HERC1: variants seen among roughly 807,000 people sequenced by gnomAD.
HERC1 encodes the protein probable E3 ubiquitin-protein ligase HERC1.
HERC1 carries 160 observed loss-of-function variants against 554.3 expected under a neutral mutation model. The observed-to-expected ratio is 0.29, with a 90% CI of 0.25 to 0.33. The LOEUF (loss-of-function observed/expected upper bound fraction) is 0.33, where lower values mean the gene tolerates loss of function less well. Ranked by LOEUF, HERC1 falls within the 10% of genes least tolerant of loss-of-function variation. HERC1 has a pLI of 1.00. For missense variants in HERC1, 4,919 were observed against 5,918.5 expected (o/e 0.83, Z 5.54); for synonymous variants, 2,175 against 2,131.7 (o/e 1.02, Z -0.56).
chr15:63,631,075 T>C (rs952851650), intron 68 of HERC1, among the ~76,000 whole-genome samples: 4 of 152,064 alleles, frequency 2.6e-5, no homozygotes, highest in African/African-American at 9.6e-5. Flanking sequence ...ACCTGTCGGG[T>C]TTAAATGATC....
In HERC1 at chr15:63,694,656, T is replaced by TTCTTTACCTATAAGTTTA; in HGVS notation, c.5242+100_5243-108dup. 3 of 1,453,510 alleles carry TTCTTTACCTATAAGTTTA rather than the reference T, an allele frequency of 2.1e-6. No homozygotes were observed. The highest frequency in any genetic ancestry group is 2.9e-6 in the Non-Finnish European group (3 of 1,044,832). The allele number at this position is 1,453,510 out of a possible 1,614,324, so 90.0% of individuals were successfully genotyped here. ...ATAACATGAAACACTAAATTATTTA[T>TTCTTTACCTATAAGTTTA]TCTTTACCTATAAGTTTATCTACTA... On this transcript the variant is annotated intron_variant, in intron 28 of 77. Coordinates refer to ENST00000443617, the MANE Select transcript of HERC1 (RefSeq NM_003922.4). This position sits in a 1 kb window ranked among gnomAD's most constrained non-coding sequence, Gnocchi z 4.3.
At position 63,689,619 on chromosome 15, in the gene HERC1, T is replaced by C; in HGVS notation, c.6018A>G (p.Ile2006Met). 1 of 1,573,528 alleles carries C rather than the reference T, an allele frequency of 6.4e-7. No individual in the cohort carries two copies. The highest frequency in any genetic ancestry group is 8.6e-7 in the Non-Finnish European group (1 of 1,157,796). ...PIAQAKHAIQ[I>M]KEKEQEIKLQ... ...GTTTTATTTCTTGTTCTTTTTCCTT[T>C]ATCTGAATAGCATGTTTGGCCTGAG... Residue 2006 changes from isoleucine (I) to methionine (M), a missense_variant, in exon 33 of 78, where the codon ATA becomes ATG. Around this residue, in one of 11 missense-constraint regions of HERC1, gnomAD observed 1,121 missense variants for 1,244.0 expected, o/e 0.90. Coordinates refer to ENST00000443617, the MANE Select transcript of HERC1 (RefSeq NM_003922.4).
intron 25 of HERC1, 39 bp downstream of exon 25, chr15:63,706,741 C>A: frequency 8.7e-7 from 1 of 1,155,730 alleles, no homozygotes; most frequent in South Asian, 1.7e-5. Context: ...GACAGGGTCT[C>A]ACTAAGATAT....
chr15:63,693,747 G>A (rs1163613792), intron 30 of HERC1, among the ~76,000 whole-genome samples: 4 of 152,134 alleles, frequency 2.6e-5, no homozygotes, highest in Non-Finnish European at 5.9e-5. Flanking sequence ...TGGGCAGTAT[G>A]GTCACAACAT....
At chr15:63,627,833 GGT>G (rs2152786370) in intron 70 of HERC1, among the ~76,000 whole-genome samples, 1 of 152,220 alleles carries the variant, frequency 6.6e-6, no homozygotes, top group South Asian at 2.1e-4. Flanking sequence ...TATGTATTAT[GGT>G]TTTCTTTAAA....
At chr15:63,826,808 AAAAAAAATATAT>A (rs1162557181) in intron 1 of HERC1, among the ~76,000 whole-genome samples, 1 of 54,914 alleles carries the variant, frequency 1.8e-5, no homozygotes, top group Non-Finnish European at 3.8e-5. Context: ...AAAAAAAAAA[AAAAAAAATATAT>A]ATATATATAT....
chr15:63,727,552 G>T lies in HERC1; in HGVS notation c.3346+95C>A. On this transcript the variant is annotated intron_variant, in intron 17 of 77. Coordinates refer to ENST00000443617, the MANE Select transcript of HERC1 (RefSeq NM_003922.4). The surrounding 1 kb of genome is among the most constrained non-coding windows in gnomAD (Gnocchi z 4.3). ...TGATGAAATTCCTTTGATAGCCTTA[G>T]GATAGATAGACTCCAATGGAAAAAC... 2.4e-6 allele frequency: 2 copies of T among 826,022 alleles called. No homozygotes were observed. Among genetic ancestry groups the T allele is most frequent in the Non-Finnish European group, 3.8e-6 (2 of 529,158 alleles). 51.2% of individuals were successfully genotyped at this position (826,022 alleles called of 1,614,324 possible). A position where few individuals can be genotyped will look rare whatever the true frequency, so the allele number is the denominator to read the frequency against.
intron 54 of HERC1, among the ~76,000 whole-genome samples, chr15:63,648,564 G>A (rs1425337916): frequency 6.6e-6 from 1 of 152,204 alleles, no homozygotes; most frequent in Admixed American, 6.5e-5. Context: ...CCAAGTCATA[G>A]AAAGAAAATT....
At chr15:63,779,172 A>G (rs1490537467) in intron 1 of HERC1, among the ~76,000 whole-genome samples, 2 of 152,104 alleles carry the variant, frequency 1.3e-5, no homozygotes, top group Non-Finnish European at 2.9e-5. Flanking sequence ...AGGAAGAAAA[A>G]TACAAAACAA....
rs2074362690 is a variant in HERC1 at position 63,733,073 on chromosome 15, A to G, written c.2719T>C (p.Ser907Pro). The G allele has an allele frequency of 3.7e-6, 6 of 1,613,838 alleles. No homozygotes were observed. Among genetic ancestry groups the G allele is most frequent in the Non-Finnish European group, 5.1e-6 (6 of 1,179,862 alleles). The change falls in exon 14 of 78, where the codon TCA becomes CCA. Residue 907 changes from serine to proline, a missense_variant. Transcript: ENST00000443617. ...THVASLLGYS[S>P]PSDAADLSSV... Reference sequence around the variant, plus strand: ...GATAGGTCAGCAGCATCAGAGGGTGAACTATAGCCAAGTAGGGAGGCTACG... The same window carrying G: ...GATAGGTCAGCAGCATCAGAGGGTGGACTATAGCCAAGTAGGGAGGCTACG...
intron 71 of HERC1, 50 bp from the exon 72 acceptor site, chr15:63,624,377 G>A (rs372447733): frequency 6.8e-7 from 1 of 1,481,162 alleles, no homozygotes; most frequent in African/African-American, 1.4e-5. Flanking sequence ...AGGCTTAAAA[G>A]AAATAACAAT....
At chr15:63,713,202 T>C (rs2073391806) in intron 23 of HERC1, 151 bp downstream of exon 23, 2 of 733,992 alleles carry the variant, frequency 2.7e-6, no homozygotes, top group South Asian at 3.8e-5. Flanking sequence ...AGTATTTACT[T>C]TACTTTAAGT....
At chr15:63,778,686 TA>T (rs1459005238) in intron 1 of HERC1, among the ~76,000 whole-genome samples, 16 of 152,160 alleles carry the variant, frequency 1.1e-4, no homozygotes, top group African/African-American at 3.9e-4. Context: ...AGAATGCAAT[TA>T]AATTAAGAAT....
intron 1 of HERC1, among the ~76,000 whole-genome samples, chr15:63,793,704 C>T (rs996233720): frequency 1.3e-5 from 2 of 152,128 alleles, no homozygotes; most frequent in African/African-American, 2.4e-5. Flanking sequence ...TTCTTTCTTG[C>T]GCAAGATCCA....
At chr15:63,629,741 C>T (rs1297475191) in intron 69 of HERC1, among the ~76,000 whole-genome samples, 2 of 152,156 alleles carry the variant, frequency 1.3e-5, no homozygotes, top group South Asian at 2.1e-4. Flanking sequence ...CAAACTGAGG[C>T]TAATATGAAT....
In HERC1 at chr15:63,727,838, T is replaced by C; in HGVS notation, c.3155A>G (p.Asp1052Gly). The C allele has an allele frequency of 6.2e-7, 1 of 1,610,576 alleles. No homozygotes were observed. The change falls in exon 17 of 78, where the codon GAT becomes GGT. Residue 1052 changes from aspartate (D) to glycine (G), a missense_variant and splice_region_variant. Transcript: ENST00000443617. This position sits in a 1 kb window ranked among gnomAD's most constrained non-coding sequence, Gnocchi z 4.3. ...GCCAGCAGCTGAGACGTATATCACA[T>C]CTATGAAGGGCAAGAAATTAAACAT... is the stretch of plus-strand genomic sequence containing the variant. Reference protein sequence around the residue: ...WNGSVGEKLRDVIYVSAAGSM... With the variant: ...WNGSVGEKLRGVIYVSAAGSM...
chr15:63,707,864 G>A (rs2073093316), intron 24 of HERC1, among the ~76,000 whole-genome samples: 1 of 145,556 alleles, frequency 6.9e-6, no homozygotes, highest in Admixed American at 7.1e-5. Flanking sequence ...AGGAGGCGGA[G>A]GTTGCAGTGA....
chr15:63,731,849 T>C (rs2074308377), intron 14 of HERC1, among the ~76,000 whole-genome samples: 1 of 152,144 alleles, frequency 6.6e-6, no homozygotes, highest in Admixed American at 6.5e-5. Flanking sequence ...ATGGGGTTAT[T>C]TGGGCAAGGT....
At chr15:63,830,211 A>G (rs1413107073) in intron 1 of HERC1, among the ~76,000 whole-genome samples, 1 of 152,248 alleles carries the variant, frequency 6.6e-6, no homozygotes, top group Non-Finnish European at 1.5e-5. Context: ...ACTGTGAAGA[A>G]TACCGCTAAG....
Sources: gnomAD v4.1 joint callset for allele counts (sites outside exome capture counted in the v4.1 genomes callset) on GRCh38, gnomAD v4.1.1 for gene constraint, gnomAD v4.1.1 regional missense constraint, Gnocchi (gnomAD v3.1) non-coding constraint, MANE v1.5 for transcripts, NCBI Gene and HGNC (gene_info 2026-07-23, HGNC 2026-07-21) for gene names.